The following ABCB6 variants were observed in gnomAD, a reference collection of about 807,000 sequenced individuals.
ABCB6 encodes ATP binding cassette subfamily B member 6 (LAN blood group), also known as ATP-binding cassette sub-family B member 6.
In ABCB6, 87 loss-of-function variants were observed where a neutral mutation model predicts 99.4. That is an observed-to-expected ratio of 0.88 (90% CI 0.74 to 1.05). The LOEUF is 1.05. ABCB6 is among the 50% of genes least tolerant of loss of function. ABCB6 has a pLI of 0.00. For synonymous variants in ABCB6, 482 were observed against 447.5 expected (o/e 1.08, Z -0.97); for missense variants, 1,050 against 1,097.9 (o/e 0.96, Z 0.62).
chr2:219,218,115 A>T lies in ABCB6; in HGVS notation c.549+10T>A. 1 of 1,587,714 alleles carries T rather than the reference A, an allele frequency of 6.3e-7. No homozygotes were observed. The highest frequency in any genetic ancestry group is 1.8e-5 in the Admixed American group (1 of 55,032). On this transcript the variant is annotated intron_variant, in intron 1 of 18. Coordinates refer to ENST00000265316, the MANE Select transcript of ABCB6 (RefSeq NM_005689.4). ...AGCAGAGGCTTCCCCCTTCCCACAG[A>T]GTCCCTCACCTGCTGGCCCAAGTCT... is the stretch of plus-strand genomic sequence containing the variant.
intron 1 of ABCB6, 29 bp downstream of exon 1, chr2:219,218,096 G>A (rs781406450): frequency 1.3e-6 from 2 of 1,574,246 alleles, no homozygotes; most frequent in Non-Finnish European, 1.7e-6. Context: ...GGCCAGCAGA[G>A]GCTTCCCCCT....
Position 219,216,465 on chromosome 2 carries a change from A to C in ABCB6, c.869T>G (p.Val290Gly). ...VLVPIFYRNI[V>G]NLLTEKAPWN... ...AGGTGCCTTCTCAGTCAGCAAGTTC[A>C]CTGTGGAGGAAACGAGTCAGAACCC... Residue 290 changes from valine to glycine, a missense_variant and splice_region_variant, in exon 4 of 19, where the codon GTG becomes GGG. Physicochemically the swap from Val to Gly is moderately radical, Grantham distance 109 (BLOSUM62 -3). Transcript: ENST00000265316. This position sits in a 1 kb window ranked among gnomAD's most constrained non-coding sequence, Gnocchi z 4.2. 1 of 1,613,832 alleles carries C rather than the reference A, an allele frequency of 6.2e-7. No individual in the cohort carries two copies. The highest frequency in any genetic ancestry group is 8.5e-7 in the Non-Finnish European group (1 of 1,179,836).
At chr2:219,215,129 C>A in intron 5 of ABCB6, 47 bp from the exon 6 acceptor site, 1 of 1,611,336 alleles carries the variant, frequency 6.2e-7, no homozygotes, top group South Asian at 1.1e-5. Context: ...GGGCTTAGAC[C>A]CAGCAACCCT....
At chr2:219,213,110 A>G in intron 12 of ABCB6, 45 bp from the exon 13 acceptor site, 2 of 1,610,402 alleles carry the variant, frequency 1.2e-6, no homozygotes, top group African/African-American at 2.7e-5. Flanking sequence ...TTCCATCACC[A>G]GAGCTGCTAG....
intron 14 of ABCB6, 124 bp downstream of exon 14, chr2:219,212,263 A>G (rs1326321996): frequency 6.9e-6 from 5 of 729,308 alleles, no homozygotes; most frequent in Admixed American, 2.4e-5. Flanking sequence ...ACTGTAGGTT[A>G]TATCATGCTA....
Position 219,216,576 on chromosome 2 carries a change from C to A in ABCB6, c.868+76G>T. On this transcript the variant is annotated intron_variant, in intron 3 of 18. Coordinates refer to ENST00000265316, the MANE Select transcript of ABCB6 (RefSeq NM_005689.4). The surrounding 1 kb of genome is among the most constrained non-coding windows in gnomAD (Gnocchi z 4.2). ...TTCTGACCACCCAGCTCTGTCCCAC[C>A]TCCCTAGGTAAGGACCATCCCAGCC... is the stretch of plus-strand genomic sequence containing the variant. The A allele has an allele frequency of 6.5e-7, 1 of 1,537,022 alleles. No individual in the cohort carries two copies.
Position 219,218,482 on chromosome 2 carries a change from C to T in ABCB6, c.192G>A (p.Trp64Ter). 6.2e-7 allele frequency: 1 copy of T among 1,608,258 alleles called. No homozygotes were observed. Among genetic ancestry groups the T allele is most frequent in the Non-Finnish European group, 8.5e-7 (1 of 1,177,872 alleles). Residue 64 changes from tryptophan (W) to a stop codon, truncating the protein, a stop_gained, in exon 1 of 19, where the codon TGG becomes TGA. Coordinates refer to ENST00000265316, the MANE Select transcript of ABCB6 (RefSeq NM_005689.4). LOFTEE classifies it high-confidence loss of function. ...ERPAGADSLS[W>*]GAGPRISPYV... ...AGGGAGAGATGCGAGGGCCGGCCCC[C>T]CAAGACAGCGAATCAGCACCAGCGG...
chr2:219,216,815 T>C lies in ABCB6; in HGVS notation c.705A>G (p.Gln235=). The stretch of plus-strand genomic sequence containing the variant: ...TGCCAAAATCTCGCCAGGTAGACTG[T>C]TGGGCTGCTGACCGAACCTAGGATG... ...VERSQVRSAA[Q]QSTWRDFGRK... Residue 235 remains glutamine, a synonymous_variant, in exon 3 of 19, where the codon CAA becomes CAG. Coordinates refer to ENST00000265316, the MANE Select transcript of ABCB6 (RefSeq NM_005689.4). The surrounding 1 kb of genome is among the most constrained non-coding windows in gnomAD (Gnocchi z 4.2). 3.1e-6 allele frequency: 5 copies of C among 1,612,652 alleles called. No homozygotes were observed. Among genetic ancestry groups the C allele is most frequent in the African/African-American group, 1.3e-5 (1 of 74,998 alleles).
In ABCB6 at chr2:219,217,656, A is replaced by G; in HGVS notation, c.687+14T>C. The G allele has an allele frequency of 6.4e-7, 1 of 1,573,370 alleles. No individual in the cohort carries two copies. The highest frequency in any genetic ancestry group is 8.6e-7 in the Non-Finnish European group (1 of 1,163,108). On this transcript the variant is annotated intron_variant, in intron 2 of 18. Transcript: ENST00000265316. ...AGACTCCGTCTCCAAAAAAAAAAAG[A>G]AACTGAGGTGTACCTGGCTCCTTTC... is the stretch of plus-strand genomic sequence containing the variant.
In ABCB6 at chr2:219,213,890, A is replaced by G. The variant is rs762741744; in HGVS notation, c.1514T>C (p.Ile505Thr). The stretch of plus-strand genomic sequence containing the variant: ...GGAGCCGGCGAGGAGCCCGAGCCCA[A>G]TCACCAGGTTCTGGGTCTGATTTAG... ...VLLNQTQNLV[I>T]GLGLLAGSLL... Residue 505 changes from isoleucine (I) to threonine (T), a missense_variant, in exon 9 of 19, where the codon ATT (isoleucine) becomes ACT (threonine). Physicochemically the swap from Ile to Thr is moderately conservative, Grantham distance 89. Transcript: ENST00000265316. 17 of 1,614,008 alleles carry G rather than the reference A, an allele frequency of 1.1e-5. No homozygotes were observed. In the South Asian group the frequency reaches 1.6e-4, roughly 16 times the overall value.
At position 219,213,250 on chromosome 2, in the gene ABCB6, T is replaced by C. The variant is rs200153096; in HGVS notation, c.1796A>G (p.Tyr599Cys). Residue 599 changes from tyrosine to cysteine, a missense_variant, in exon 12 of 19, where the codon TAT becomes TGT. Coordinates refer to ENST00000265316, the MANE Select transcript of ABCB6 (RefSeq NM_005689.4). Reference protein sequence around the residue: ...RIEFENVHFSYADGRETLQDV... With the variant: ...RIEFENVHFSCADGRETLQDV... ...AAAAGGAAGGCCTCACCCATCGGCA[T>C]AGCTGAAGTGCACGTTCTCAAACTC... The C allele has an allele frequency of 1.6e-4, 253 of 1,614,218 alleles. 1 individual carries two copies. The East Asian group carries it at 5.6e-3, about 36-fold the overall frequency.
chr2:219,213,796 C>G, intron 9 of ABCB6, 30 bp downstream of exon 9: 1 of 1,613,926 alleles, frequency 6.2e-7, no homozygotes, highest in Non-Finnish European at 8.5e-7. Flanking sequence ...TTCCTTGTGC[C>G]CCACTCTCTC....
At chr2:219,211,206 G>T in intron 14 of ABCB6, 98 bp from the exon 15 acceptor site, 1 of 1,330,444 alleles carries the variant, frequency 7.5e-7, no homozygotes, top group Non-Finnish European at 1.1e-6. Flanking sequence ...AGAGGCTGTG[G>T]TAATAATCCC....
chr2:219,213,764 G>A, intron 9 of ABCB6, 62 bp downstream of exon 9: 1 of 1,613,448 alleles, frequency 6.2e-7, no homozygotes, highest in Non-Finnish European at 8.5e-7. Context: ...CTGGTGACCA[G>A]ACACAGGCCT....
At chr2:219,217,886 C>G (rs1950664697) in intron 1 of ABCB6, 79 bp from the exon 2 acceptor site, 3 of 1,502,698 alleles carry the variant, frequency 2.0e-6, no homozygotes, top group Non-Finnish European at 2.7e-6. Context: ...GGGCCGGGGA[C>G]TGGTGTCATG....
At position 219,216,064 on chromosome 2, in the gene ABCB6, C is replaced by T. The variant is rs1209867052; in HGVS notation, c.1087G>A (p.Gly363Arg). ...LHELSLRWHLGRRTGEVLRIA... is the reference protein window; with the variant it reads ...LHELSLRWHLRRRTGEVLRIA... ...CGCAGCACCTCCCCTGTGCGGCGCC[C>T]CAGGTGCCAGCGCAGTGAGAGCTCG... is the stretch of plus-strand genomic sequence containing the variant. Residue 363 changes from glycine to arginine, a missense_variant, in exon 5 of 19, where the codon GGG becomes AGG. Transcript: ENST00000265316. This position sits in a 1 kb window ranked among gnomAD's most constrained non-coding sequence, Gnocchi z 4.2. 1 of 1,605,732 alleles carries T rather than the reference C, an allele frequency of 6.2e-7. No homozygotes were observed. The highest frequency in any genetic ancestry group is 8.5e-7 in the Non-Finnish European group (1 of 1,176,580).
intron 1 of ABCB6, 100 bp from the exon 2 acceptor site, chr2:219,217,907 G>T: frequency 7.3e-7 from 1 of 1,371,306 alleles, no homozygotes; most frequent in Non-Finnish European, 9.7e-7. Context: ...AACACATTCA[G>T]CACTTACAGG....
chr2:219,212,986 A>G (rs1304856257), intron 13 of ABCB6, 22 bp downstream of exon 13: 1 of 1,613,518 alleles, frequency 6.2e-7, no homozygotes, highest in Non-Finnish European at 8.5e-7. Flanking sequence ...CATCTGGGCC[A>G]AGTGGCTGGG....
chr2:219,216,875 T>G lies in ABCB6; in HGVS notation c.688-43A>C. 6.4e-7 allele frequency: 1 copy of G among 1,557,922 alleles called. No individual in the cohort carries two copies. The highest frequency in any genetic ancestry group is 2.3e-5 in the East Asian group (1 of 43,790). ...GTAGGAAGGGAGCTCAGAAATCAAG[T>G]AAGTGCACTAGCCAGAAACCCTTCA... On this transcript the variant is annotated intron_variant, in intron 2 of 18. Coordinates refer to ENST00000265316, the MANE Select transcript of ABCB6 (RefSeq NM_005689.4). This position sits in a 1 kb window ranked among gnomAD's most constrained non-coding sequence, Gnocchi z 4.2.
Sources: allele counts gnomAD v4.1 joint callset, GRCh38; gene constraint gnomAD v4.1.1; non-coding constraint Gnocchi (gnomAD v3.1); transcripts MANE v1.5; gene names NCBI Gene and HGNC (gene_info 2026-07-23, HGNC 2026-07-21).